The following WWOX variants were observed in gnomAD, a reference collection of about 807,000 sequenced individuals.
WWOX encodes the protein WW domain-containing oxidoreductase.
WWOX carries 69 observed loss-of-function variants against 46.2 expected under a neutral mutation model. The observed-to-expected ratio is 1.49, with a 90% CI of 1.23 to 1.82. WWOX has a LOEUF of 1.82. Among genes scored for constraint, WWOX ranks in the 40% most tolerant of loss-of-function variants. WWOX has a pLI of 0.00. For synonymous variants in WWOX, 359 were observed against 202.6 expected (o/e 1.77, Z -6.56); for missense variants, 919 against 542.6 (o/e 1.69, Z -6.89).
intron 8 of WWOX, chr16:79,205,525 C>G (rs567945542): frequency 6.6e-6 from 1 of 152,288 alleles, no homozygotes; most frequent in South Asian, 2.1e-4. Context: ...AATGGATTCT[C>G]CAGAACACTT....
chr16:78,882,866 C>T (rs1219942616), intron 8 of WWOX, among the ~76,000 whole-genome samples: 5 of 151,458 alleles, frequency 3.3e-5, no homozygotes, highest in African/African-American at 7.3e-5. Flanking sequence ...TTAGCAAAGA[C>T]TTCCTGAGTG....
chr16:78,497,317 T>G (rs1315639253), intron 8 of WWOX, among the ~76,000 whole-genome samples: 3 of 152,182 alleles, frequency 2.0e-5, no homozygotes, highest in African/African-American at 7.2e-5. Flanking sequence ...AAAAATCAAC[T>G]CAAAGTGGAT....
At chr16:78,858,144 T>TTGTGTGTGTGTG (rs59637371) in intron 8 of WWOX, among the ~76,000 whole-genome samples, 2,287 of 148,622 alleles carry the variant, frequency 0.015, 36 homozygotes, top group Admixed American at 0.033. Context: ...CATTGTGTGT[T>TTGTGTGTGTGTG]TGTGTGTGTG....
At chr16:79,080,327 A>G (rs1159834110) in intron 8 of WWOX, among the ~76,000 whole-genome samples, 1 of 151,726 alleles carries the variant, frequency 6.6e-6, no homozygotes, top group African/African-American at 2.4e-5. Flanking sequence ...TTCTCTTGCC[A>G]CGAATCAGCT....
intron 8 of WWOX, among the ~76,000 whole-genome samples, chr16:79,117,892 A>C (rs192498269): frequency 6.3e-4 from 96 of 152,368 alleles, no homozygotes; most frequent in African/African-American, 2.3e-3. Context: ...TTTTGGCTTC[A>C]GGGAATGTTG....
chr16:78,748,399 AC>A (rs1479088482), intron 8 of WWOX, among the ~76,000 whole-genome samples: 8 of 152,332 alleles, frequency 5.3e-5, no homozygotes, highest in Non-Finnish European at 1.0e-4. Context: ...TGCAGTATTT[AC>A]TGGGCATTTT....
chr16:78,949,934 A>C (rs915685359), intron 8 of WWOX, among the ~76,000 whole-genome samples: 1 of 152,160 alleles, frequency 6.6e-6, no homozygotes, highest in Non-Finnish European at 1.5e-5. Context: ...ATTCCAGGTA[A>C]AGGATATGTG....
chr16:79,001,657 G>A (rs1749120827), intron 8 of WWOX, among the ~76,000 whole-genome samples: 1 of 151,562 alleles, frequency 6.6e-6, no homozygotes, highest in Admixed American at 6.6e-5. Flanking sequence ...AAAAAAAAAA[G>A]GAGCTGGTGG....
At chr16:78,844,861 T>G (rs1291347281) in intron 8 of WWOX, among the ~76,000 whole-genome samples, 1 of 152,154 alleles carries the variant, frequency 6.6e-6, no homozygotes, top group Non-Finnish European at 1.5e-5. Flanking sequence ...TTGCTCTAGC[T>G]CACCAGGGAC....
intron 8 of WWOX, among the ~76,000 whole-genome samples, chr16:78,951,397 A>G (rs1376820273): frequency 6.6e-6 from 1 of 152,082 alleles, no homozygotes; most frequent in African/African-American, 2.4e-5. Context: ...TCACATGTAA[A>G]TCATTGAGCC....
intron 8 of WWOX, among the ~76,000 whole-genome samples, chr16:78,706,683 C>T (rs774560248): frequency 6.6e-6 from 1 of 152,186 alleles, no homozygotes; most frequent in Non-Finnish European, 1.5e-5. Context: ...CTTTCAGCTG[C>T]TCTTTCTCGA....
At position 78,441,959 on chromosome 16, in the gene WWOX, AGTGTGTGTGT is replaced by A. The variant is rs145693201; in HGVS notation, c.1056+9229_1056+9238del. 7.4e-4 allele frequency among the ~76,000 whole-genome samples: 104 copies of A among 139,792 alleles called. 1 individual carries two copies. The highest frequency in any genetic ancestry group is 3.6e-3 in the Middle Eastern group (1 of 276). 91.7% of individuals were successfully genotyped at this position (139,792 alleles called of 152,430 possible). ...GACAAAAATTTCATATATGCGCATG[AGTGTGTGTGT>A]GTGTGTGTGTGTGTGTGTGTGGCTG... On this transcript the variant is annotated intron_variant, in intron 8 of 8. Coordinates refer to ENST00000566780, the MANE Select transcript of WWOX (RefSeq NM_016373.4).
chr16:78,763,489 T>C (rs1446368948), intron 8 of WWOX, among the ~76,000 whole-genome samples: 2 of 152,170 alleles, frequency 1.3e-5, no homozygotes, highest in African/African-American at 2.4e-5. Flanking sequence ...AGAGGCACTT[T>C]TTGGGGGAGA....
At chr16:79,020,464 T>C (rs1395159233) in intron 8 of WWOX, among the ~76,000 whole-genome samples, 1 of 152,204 alleles carries the variant, frequency 6.6e-6, no homozygotes, top group East Asian at 1.9e-4. Context: ...GGGATCATGA[T>C]AGTCTCTGTC....
chr16:78,199,805 G>T (rs528037250), intron 5 of WWOX, among the ~76,000 whole-genome samples: 3 of 152,126 alleles, frequency 2.0e-5, no homozygotes, highest in South Asian at 2.1e-4. Flanking sequence ...CTTCTCTCTT[G>T]TCAGAATCCA....
chr16:78,715,583 A>G (rs1597482979), intron 8 of WWOX, among the ~76,000 whole-genome samples: 1 of 151,760 alleles, frequency 6.6e-6, no homozygotes, highest in East Asian at 1.9e-4. Flanking sequence ...TCTTGGGTTC[A>G]AGCGATTCTC....
At chr16:78,548,700 A>T (rs1191364773) in intron 8 of WWOX, among the ~76,000 whole-genome samples, 1 of 152,150 alleles carries the variant, frequency 6.6e-6, no homozygotes, top group East Asian at 1.9e-4. Flanking sequence ...AATTTATTTA[A>T]TTAATTTTGG....
At chr16:78,128,316 A>G (rs2033445869) in intron 4 of WWOX, among the ~76,000 whole-genome samples, 1 of 152,186 alleles carries the variant, frequency 6.6e-6, no homozygotes, top group Non-Finnish European at 1.5e-5. Context: ...GGTGATGACT[A>G]AAATTTTAAT....
At chr16:78,817,542 A>G (rs561897976) in intron 8 of WWOX, among the ~76,000 whole-genome samples, 12 of 152,314 alleles carry the variant, frequency 7.9e-5, no homozygotes, top group Admixed American at 5.9e-4. Flanking sequence ...AAATTTGCCA[A>G]TCAAAATTCA....
Sources: allele counts gnomAD v4.1 joint callset (sites outside exome capture counted in the v4.1 genomes callset), GRCh38; gene constraint gnomAD v4.1.1; transcripts MANE v1.5; gene names NCBI Gene and HGNC (gene_info 2026-07-23, HGNC 2026-07-21).